The following BPIFA2 variants were observed in gnomAD, a reference collection of about 807,000 sequenced individuals.
BPIFA2 encodes BPI fold containing family A member 2.
BPIFA2 carries 20 observed loss-of-function variants against 25.7 expected under a neutral mutation model. The ratio of observed to expected loss-of-function variants is 0.78; its 90% CI spans 0.55 to 1.13. The LOEUF (loss-of-function observed/expected upper bound fraction) is 1.13. Among genes scored for constraint, BPIFA2 ranks in the 50% most tolerant of loss-of-function variants. The pLI, the probability that BPIFA2 is intolerant of heterozygous loss-of-function variation, is 0.00. For missense variants in BPIFA2, 300 were observed against 298.1 expected (o/e 1.01, Z -0.05); for synonymous variants, 126 against 124.3 (o/e 1.01, Z -0.09).
chr20:33,169,971 T>C (rs991073069), intron 2 of BPIFA2, among the ~76,000 whole-genome samples: 2 of 152,262 alleles, frequency 1.3e-5, no homozygotes, highest in African/African-American at 2.4e-5. Flanking sequence ...GCTTTCTTTT[T>C]GTTTTATGGA....
rs1243875126 is a variant in BPIFA2 at position 33,179,726 on chromosome 20, C to T, written c.709+59C>T. 3.0e-5 allele frequency: 45 copies of T among 1,492,442 alleles called. No homozygotes were observed. The South Asian group carries it at 4.1e-4, about 13-fold the overall frequency. 92.4% of individuals were successfully genotyped at this position (1,492,442 alleles called of 1,614,324 possible). On this transcript the variant is annotated intron_variant, in intron 7 of 8. Coordinates refer to ENST00000354932, the MANE Select transcript of BPIFA2 (RefSeq NM_080574.4). The stretch of plus-strand genomic sequence containing the variant: ...CAGGCATGGAGCTCTGTGCCCACCC[C>T]ATAAGCAGTTCTGGTCAGGGGACCC...
intron 3 of BPIFA2, 69 bp downstream of exon 3, chr20:33,173,145 G>C: frequency 1.3e-6 from 2 of 1,546,136 alleles, no homozygotes; most frequent in Non-Finnish European, 1.8e-6. Context: ...GAGGAGGTAA[G>C]TTTAAGATGA....
In BPIFA2 at chr20:33,176,557, TAAA is replaced by T. The variant is rs1984084351; in HGVS notation, c.563+999_563+1001del. On this transcript the variant is annotated intron_variant, in intron 5 of 8. Coordinates refer to ENST00000354932, the MANE Select transcript of BPIFA2 (RefSeq NM_080574.4). ...GATGTGAGTTGCGAAGGCCGGGGTG[TAAA>T]TTCAGAGGCTGGAGCCTGGCTGGGT... is the stretch of plus-strand genomic sequence containing the variant. Among the ~76,000 whole-genome samples the T allele has an allele frequency of 3.9e-5, 6 of 152,318 alleles. No individual in the cohort carries two copies. The South Asian group carries it at 1.2e-3, about 32-fold the overall frequency.
At chr20:33,176,167 A>G (rs907808134) in intron 5 of BPIFA2, among the ~76,000 whole-genome samples, 2 of 152,198 alleles carry the variant, frequency 1.3e-5, no homozygotes, top group East Asian at 1.9e-4. Context: ...ATTGTCCCCA[A>G]ATCATCCTCC....
At chr20:33,169,984 C>A (rs1370844639) in intron 2 of BPIFA2, among the ~76,000 whole-genome samples, 6 of 152,126 alleles carry the variant, frequency 3.9e-5, no homozygotes, top group African/African-American at 1.4e-4. Context: ...TTTATGGAAA[C>A]ATTAGCAGCA....
At chr20:33,167,714 A>G (rs562607027), upstream of BPIFA2, among the ~76,000 whole-genome samples, 41 of 152,142 alleles carry the variant, frequency 2.7e-4, no homozygotes, top group Non-Finnish European at 4.1e-4. Context: ...CTTGTGGGCC[A>G]CAATTCTAGA....
upstream of BPIFA2, among the ~76,000 whole-genome samples, chr20:33,165,542 C>T (rs970514163): frequency 6.6e-5 from 10 of 152,198 alleles, no homozygotes; most frequent in African/African-American, 2.4e-4. Flanking sequence ...TCTCTGGTCT[C>T]AGTAGGCTGC....
intron 2 of BPIFA2, among the ~76,000 whole-genome samples, chr20:33,169,730 G>A (rs1345575827): frequency 6.6e-6 from 1 of 152,116 alleles, no homozygotes; most frequent in Non-Finnish European, 1.5e-5. Flanking sequence ...TTATGAAGGA[G>A]CCCTCTTCTT....
At chr20:33,176,252 C>T (rs1044735534) in intron 5 of BPIFA2, among the ~76,000 whole-genome samples, 1 of 152,206 alleles carries the variant, frequency 6.6e-6, no homozygotes, top group Non-Finnish European at 1.5e-5. Context: ...CCCTTTTAAT[C>T]CACAAAATCT....
At chr20:33,173,478 A>G (rs1256627239) in intron 3 of BPIFA2, among the ~76,000 whole-genome samples, 1 of 152,022 alleles carries the variant, frequency 6.6e-6, no homozygotes, top group African/African-American at 2.4e-5. Context: ...CAGTGGATCC[A>G]CTCACATACT....
chr20:33,172,818 G>C, intron 2 of BPIFA2, 114 bp from the exon 3 acceptor site: 3 of 1,174,840 alleles, frequency 2.6e-6, no homozygotes, highest in South Asian at 3.3e-5. Flanking sequence ...ACTTCACTGA[G>C]TTGTTATAAA....
At chr20:33,176,142 G>A (rs1490017034) in intron 5 of BPIFA2, among the ~76,000 whole-genome samples, 6 of 148,820 alleles carry the variant, frequency 4.0e-5, no homozygotes, top group Middle Eastern at 3.2e-3. Flanking sequence ...TGCCTGCCAC[G>A]GGCTCTAATT....
Position 33,174,204 on chromosome 20 carries a change from T to A in BPIFA2, c.410+18T>A, listed in dbSNP as rs1333051875. The A allele has an allele frequency of 6.2e-7, 1 of 1,612,076 alleles. No homozygotes were observed. ...GTGGCCGGGTGAGTATGCACTAGAA[T>A]CTGAGATTTGGGAAAGGCAGTGCAA... On this transcript the variant is annotated intron_variant, in intron 4 of 8. Transcript: ENST00000354932.
At chr20:33,164,748 C>T (rs1444016638), upstream of BPIFA2, among the ~76,000 whole-genome samples, 1 of 151,850 alleles carries the variant, frequency 6.6e-6, no homozygotes, top group African/African-American at 2.4e-5. Flanking sequence ...GTAGACCAGA[C>T]CCTGTGCCAG....
At chr20:33,173,188 C>T in intron 3 of BPIFA2, 112 bp downstream of exon 3, 1 of 1,347,800 alleles carries the variant, frequency 7.4e-7, no homozygotes, top group East Asian at 2.3e-5. Context: ...TCCCCTCCCA[C>T]AGAGCCAAGG....
At chr20:33,173,551 G>T (rs1402915573) in intron 3 of BPIFA2, among the ~76,000 whole-genome samples, 1 of 152,018 alleles carries the variant, frequency 6.6e-6, no homozygotes, top group Non-Finnish European at 1.5e-5. Flanking sequence ...TGTTACCCAG[G>T]CTGGAGTGCA....
intron 2 of BPIFA2, among the ~76,000 whole-genome samples, chr20:33,170,744 C>T (rs1430819451): frequency 6.6e-6 from 1 of 152,218 alleles, no homozygotes; most frequent in Non-Finnish European, 1.5e-5. Context: ...CATAAAGACA[C>T]TTTGTCCTCC....
chr20:33,180,038 T>C (rs1467758333), intron 7 of BPIFA2, among the ~76,000 whole-genome samples: 1 of 151,932 alleles, frequency 6.6e-6, no homozygotes, highest in Non-Finnish European at 1.5e-5. Context: ...GGTGACACGG[T>C]GAAACCCCAT....
chr20:33,175,285 C>T, intron 4 of BPIFA2, 122 bp from the exon 5 acceptor site: 1 of 975,914 alleles, frequency 1.0e-6, no homozygotes, highest in Non-Finnish European at 1.5e-6. Flanking sequence ...GTTGATATTA[C>T]CTGGGCCATG....
Sources: allele counts gnomAD v4.1 joint callset (sites outside exome capture counted in the v4.1 genomes callset), GRCh38; gene constraint gnomAD v4.1.1; transcripts MANE v1.5; gene names NCBI Gene and HGNC (gene_info 2026-07-23, HGNC 2026-07-21).